The following CCNF variants were observed in gnomAD, a reference collection of about 807,000 sequenced individuals.
CCNF encodes the protein cyclin-F.
CCNF carries 30 observed loss-of-function variants against 85.4 expected under a neutral mutation model. That is an observed-to-expected ratio of 0.35 (90% CI 0.26 to 0.48). The LOEUF (loss-of-function observed/expected upper bound fraction) is 0.48. Ranked by LOEUF, CCNF falls within the 20% of genes least tolerant of loss-of-function variation. CCNF has a pLI of 0.99. For synonymous variants in CCNF, 439 were observed against 425.1 expected, an observed-to-expected ratio of 1.03 and a Z score of -0.40; for missense variants, 919 against 1,010.4, an observed-to-expected ratio of 0.91 and a Z score of 1.23.
At position 2,429,490 on chromosome 16, in the gene CCNF, C is replaced by G. The variant is rs1472073974; in HGVS notation, c.9C>G (p.Ser3Arg). 7.3e-6 allele frequency: 9 copies of G among 1,230,922 alleles called. No homozygotes were observed. The Admixed American group carries it at 1.3e-4, about 17-fold the overall frequency. The allele number at this position is 1,230,922 out of a possible 1,614,324, so 76.2% of individuals were successfully genotyped here. A position where few individuals can be genotyped will look rare whatever the true frequency, so the allele number is the denominator to read the frequency against. ...GCGACGCGAGCGCGGCGATGGGGAG[C>G]GGCGGCGGTGAGTGCGGGGCGATGT... MG[S>R]GGVVHCRCAK... The change falls in exon 1 of 17, where the codon AGC becomes AGG. Residue 3 changes from serine to arginine, a missense_variant. Around this residue, in one of 3 missense-constraint regions of CCNF, gnomAD observed 410 missense variants for 478.6 expected, o/e 0.86. Coordinates refer to ENST00000397066, the MANE Select transcript of CCNF (RefSeq NM_001761.3).
intron 8 of CCNF, among the ~76,000 whole-genome samples, chr16:2,442,931 G>T (rs182981048): frequency 1.1e-5 from 1 of 92,368 alleles, no homozygotes; most frequent in Non-Finnish European, 1.9e-5. Context: ...TAATATATAT[G>T]ATTATTATAT....
At position 2,453,727 on chromosome 16, in the gene CCNF, A is replaced by T. The variant is rs1243684696; in HGVS notation, c.1715+190A>T. ...CCCCTGCGTAACCTCCACTGTCTCC[A>T]GCCCAGGTCTCCTTCCTCAGAGGCT... is the stretch of plus-strand genomic sequence containing the variant. On this transcript the variant is annotated intron_variant, in intron 15 of 16. Transcript: ENST00000397066. The surrounding 1 kb of genome is among the most constrained non-coding windows in gnomAD (Gnocchi z 5.6). 6.6e-6 allele frequency among the ~76,000 whole-genome samples: 1 copy of T among 152,192 alleles called. No homozygotes were observed. The highest frequency in any genetic ancestry group is 2.4e-5 in the African/African-American group (1 of 41,436).
chr16:2,429,676 G>T (rs1013516307), intron 1 of CCNF, among the ~76,000 whole-genome samples, 179 bp downstream of exon 1: 7 of 152,254 alleles, frequency 4.6e-5, no homozygotes, highest in African/African-American at 1.7e-4. Flanking sequence ...CCGGGCGCGC[G>T]GTTTAAATGC....
intron 15 of CCNF, among the ~76,000 whole-genome samples, chr16:2,455,016 C>T (rs1316358585): frequency 1.4e-5 from 2 of 143,608 alleles, no homozygotes; most frequent in South Asian, 2.2e-4. Flanking sequence ...GCCAAGATCA[C>T]ACCACTGCAC....
intron 8 of CCNF, among the ~76,000 whole-genome samples, chr16:2,440,920 C>G (rs925296999): frequency 1.3e-5 from 2 of 152,200 alleles, no homozygotes; most frequent in Non-Finnish European, 2.9e-5. Context: ...GAGACTCCAT[C>G]TCGACAAAAA....
intron 10 of CCNF, 91 bp downstream of exon 10, chr16:2,445,713 GGTTTT>G (rs2065358403): frequency 8.7e-7 from 1 of 1,152,910 alleles, no homozygotes; most frequent in Non-Finnish European, 1.2e-6. Context: ...TCACTGGTTT[GGTTTT>G]GTTTTGTGTT....
At chr16:2,436,070 G>A (rs980051690) in intron 4 of CCNF, 197 bp downstream of exon 4, 2 of 468,030 alleles carry the variant, frequency 4.3e-6, no homozygotes, top group Admixed American at 7.8e-5. Flanking sequence ...TGACTTTGCA[G>A]GTTACGAAAG....
rs760899204 is a variant in CCNF, at chr16:2,437,333, G to A, written c.540+11G>A. Reference sequence around the variant, plus strand: ...TGCCAGCTGCAGAGGGTGAGTCTGGGCGAGGGGCAGCACCTGCGAGGCCAC... The same window carrying A: ...TGCCAGCTGCAGAGGGTGAGTCTGGACGAGGGGCAGCACCTGCGAGGCCAC... On this transcript the variant is annotated intron_variant, in intron 5 of 16. Coordinates refer to ENST00000397066, the MANE Select transcript of CCNF (RefSeq NM_001761.3). The A allele has an allele frequency of 6.4e-7, 1 of 1,566,742 alleles. No individual in the cohort carries two copies. Among genetic ancestry groups the A allele is most frequent in the African/African-American group, 1.3e-5 (1 of 74,474 alleles).
chr16:2,448,336 T>C (rs11642437), intron 10 of CCNF, among the ~76,000 whole-genome samples: 114,739 of 152,198 alleles, frequency 0.75, 44,190 homozygotes, highest in African/African-American at 0.92. Context: ...CCTAACAGCC[T>C]TGCTGCTTTC....
Position 2,453,009 on chromosome 16 carries a change from GT to G in CCNF, c.1488-196del, listed in dbSNP as rs1370370252. On this transcript the variant is annotated intron_variant, in intron 13 of 16. Transcript: ENST00000397066. This position sits in a 1 kb window ranked among gnomAD's most constrained non-coding sequence, Gnocchi z 5.6. ...TAGTACAGGTTTCTGTGTGGACATA[GT>G]TTTTCCTTTTTCCTGGGTCTTTACC... 1.8e-5 allele frequency: 11 copies of G among 602,600 alleles called. No homozygotes were observed. The highest frequency in any genetic ancestry group is 3.0e-5 in the Non-Finnish European group (10 of 337,528). 37.3% of individuals were successfully genotyped at this position (602,600 alleles called of 1,614,324 possible). A position where few individuals can be genotyped will look rare whatever the true frequency, so the allele number is the denominator to read the frequency against.
chr16:2,433,821 T>G (rs1373068637), intron 3 of CCNF, among the ~76,000 whole-genome samples: 1 of 152,054 alleles, frequency 6.6e-6, no homozygotes, highest in Non-Finnish European at 1.5e-5. Flanking sequence ...CCTGACCTCC[T>G]GATCTCAGGC....
chr16:2,447,363 T>C (rs1229945796), intron 10 of CCNF, among the ~76,000 whole-genome samples: 1 of 151,478 alleles, frequency 6.6e-6, no homozygotes, highest in Non-Finnish European at 1.5e-5. Context: ...TGTGGGCGGA[T>C]CGTGAGGTCA....
intron 13 of CCNF, among the ~76,000 whole-genome samples, chr16:2,450,940 G>C (rs1301734064): frequency 6.6e-6 from 1 of 152,212 alleles, no homozygotes; most frequent in Non-Finnish European, 1.5e-5. Flanking sequence ...TGGAGACTGC[G>C]GGTGGGTCCC....
chr16:2,455,216 G>C (rs1281809278), intron 15 of CCNF, among the ~76,000 whole-genome samples, 179 bp from the exon 16 acceptor site: 1 of 152,242 alleles, frequency 6.6e-6, no homozygotes, highest in African/African-American at 2.4e-5. Context: ...CCTCCAGGTT[G>C]GCCCTGCCTG....
rs763656931 is a variant in CCNF, at chr16:2,431,185, G to C, written c.72G>C (p.Arg24Ser). 1.2e-6 allele frequency: 2 copies of C among 1,614,078 alleles called. No individual in the cohort carries two copies. The highest frequency in any genetic ancestry group is 1.1e-5 in the South Asian group (1 of 91,078). ...CFCYPTKRRI[R>S]RRPRNLTILS... The stretch of plus-strand genomic sequence containing the variant: ...GTTATCCTACAAAGCGAAGAATAAG[G>C]AGGAGGCCCCGAAACCTGACCATCT... Residue 24 changes from arginine to serine, a missense_variant, in exon 2 of 17, where the codon AGG (arginine) becomes AGC (serine). By Grantham distance (110) the Arg-to-Ser change is moderately radical (BLOSUM62 -1). Transcript: ENST00000397066.
In CCNF at chr16:2,445,689, C is replaced by T. The variant is rs931104130; in HGVS notation, c.1094+67C>T. 7 of 1,406,116 alleles carry T rather than the reference C, an allele frequency of 5.0e-6. No individual in the cohort carries two copies. In the African/African-American group the frequency reaches 7.2e-5, roughly 15 times the overall value. 87.1% of individuals were successfully genotyped at this position (1,406,116 alleles called of 1,614,324 possible). On this transcript the variant is annotated intron_variant, in intron 10 of 16. Coordinates refer to ENST00000397066, the MANE Select transcript of CCNF (RefSeq NM_001761.3). ...CTTTCCCGGGTTCAGGGTCACCTGCCCTTCATGTGCTCCTCACTGGTTTGG... is the reference window on the plus strand; with the variant it reads ...CTTTCCCGGGTTCAGGGTCACCTGCTCTTCATGTGCTCCTCACTGGTTTGG...
chr16:2,441,949 A>G (rs932934583), intron 8 of CCNF, among the ~76,000 whole-genome samples: 1 of 71,800 alleles, frequency 1.4e-5, no homozygotes, highest in African/African-American at 4.2e-5. Context: ...ATATATATAT[A>G]TATATATATA....
intron 5 of CCNF, chr16:2,437,821 C>T: frequency 2.1e-6 from 1 of 487,222 alleles, no homozygotes; most frequent in South Asian, 2.5e-5. Flanking sequence ...ATCGCTTGAG[C>T]CTGGGAGGTT....
At chr16:2,432,303 C>G (rs2065266859) in intron 2 of CCNF, among the ~76,000 whole-genome samples, 1 of 152,074 alleles carries the variant, frequency 6.6e-6, no homozygotes, top group African/African-American at 2.4e-5. Flanking sequence ...GTGACTTAAC[C>G]TAGAGTATAT....
Sources: gnomAD v4.1 joint callset for allele counts (sites outside exome capture counted in the v4.1 genomes callset) on GRCh38, gnomAD v4.1.1 for gene constraint, gnomAD v4.1.1 regional missense constraint, Gnocchi (gnomAD v3.1) non-coding constraint, MANE v1.5 for transcripts, NCBI Gene and HGNC (gene_info 2026-07-23, HGNC 2026-07-21) for gene names.